The following CERS3 variants were observed in gnomAD, a reference collection of about 807,000 sequenced individuals.
The protein encoded by CERS3 is LAG1 homolog, ceramide synthase 3.
CERS3 carries 33 observed loss-of-function variants against 50.3 expected under a neutral mutation model. That is an observed-to-expected ratio of 0.66 (90% CI 0.50 to 0.88). The LOEUF is 0.88. Ranked by LOEUF, CERS3 falls within the 40% of genes least tolerant of loss-of-function variation. The probability of loss-of-function intolerance (pLI) is 0.00; values close to 1 mark genes in which losing one functional copy is unlikely to be tolerated. For missense variants in CERS3, 470 were observed against 460.3 expected (o/e 1.02, Z -0.19); for synonymous variants, 176 against 155.2 (o/e 1.13, Z -0.99).
chr15:100,487,836 T>C (rs976452366), intron 4 of CERS3, among the ~76,000 whole-genome samples: 6 of 152,246 alleles, frequency 3.9e-5, no homozygotes, highest in East Asian at 1.9e-4. Flanking sequence ...AATACCTTTA[T>C]TGAATGTAGT....
At chr15:100,410,136 T>A (rs1331578483) in intron 11 of CERS3, among the ~76,000 whole-genome samples, 3 of 152,224 alleles carry the variant, frequency 2.0e-5, no homozygotes, top group African/African-American at 7.2e-5. Flanking sequence ...TCACTCCACG[T>A]TGGAAGGGGA....
At chr15:100,478,431 T>C (rs2035201706) in intron 7 of CERS3, among the ~76,000 whole-genome samples, 1 of 152,010 alleles carries the variant, frequency 6.6e-6, no homozygotes, top group Non-Finnish European at 1.5e-5. Context: ...GCATGTAGTT[T>C]ATGACTCACA....
intron 2 of CERS3, chr15:100,503,576 A>C (rs141614729): frequency 5.0e-6 from 2 of 396,596 alleles, no homozygotes; most frequent in Non-Finnish European, 1.1e-5. Context: ...CTGTGAGCCC[A>C]TAGGGTGTCT....
At chr15:100,520,311 G>A (rs2036604772) in intron 2 of CERS3, among the ~76,000 whole-genome samples, 1 of 152,174 alleles carries the variant, frequency 6.6e-6, no homozygotes, top group Non-Finnish European at 1.5e-5. Context: ...GCCTCCATTT[G>A]TATTCTTGCC....
At chr15:100,479,379 G>A (rs1450366651) in intron 7 of CERS3, 49 bp downstream of exon 7, 1 of 1,362,532 alleles carries the variant, frequency 7.3e-7, no homozygotes, top group African/African-American at 1.5e-5. Flanking sequence ...GATAATTTGA[G>A]GGATCTTGGT....
chr15:100,440,835 C>T (rs149406988), intron 11 of CERS3, among the ~76,000 whole-genome samples: 189 of 152,358 alleles, frequency 1.2e-3, no homozygotes, highest in African/African-American at 4.2e-3. Context: ...CTTGGCACCA[C>T]ACTTCAATTT....
At chr15:100,462,123 CT>C (rs368694688) in intron 10 of CERS3, among the ~76,000 whole-genome samples, 194 of 152,276 alleles carry the variant, frequency 1.3e-3, no homozygotes, top group African/African-American at 4.3e-3. Flanking sequence ...TGGAATTTTC[CT>C]TTTCATAAAG....
chr15:100,421,957 G>A (rs1174849374), intron 11 of CERS3, among the ~76,000 whole-genome samples: 8 of 71,456 alleles, frequency 1.1e-4, no homozygotes, highest in African/African-American at 3.7e-4. Flanking sequence ...AGACTTAAAC[G>A]TTAGACCTAA....
chr15:100,513,559 A>G (rs1177709625), intron 2 of CERS3, among the ~76,000 whole-genome samples: 1 of 143,666 alleles, frequency 7.0e-6, no homozygotes, highest in Non-Finnish European at 1.5e-5. Flanking sequence ...TTTTTTTGAG[A>G]TAAGATCTTG....
intron 1 of CERS3, among the ~76,000 whole-genome samples, chr15:100,538,628 G>A (rs1254869028): frequency 1.3e-5 from 2 of 152,202 alleles, no homozygotes; most frequent in Admixed American, 6.5e-5. Context: ...GAGACTGCAC[G>A]AAGCAGCCAG....
chr15:100,508,177 C>CT (rs1156886650), intron 2 of CERS3, among the ~76,000 whole-genome samples: 1 of 5,172 alleles, frequency 1.9e-4, no homozygotes, highest in South Asian at 0.17. Context: ...GTCAGTTTCT[C>CT]CCCGTTTAGC....
At chr15:100,423,964 G>A (rs1282899132) in intron 11 of CERS3, among the ~76,000 whole-genome samples, 3 of 144,340 alleles carry the variant, frequency 2.1e-5, no homozygotes, top group Non-Finnish European at 3.0e-5. Flanking sequence ...TTTTTGAGGT[G>A]GAGTTTTGCT....
intron 2 of CERS3, among the ~76,000 whole-genome samples, chr15:100,510,882 G>C (rs1471120081): frequency 3.3e-5 from 5 of 152,198 alleles, no homozygotes; most frequent in African/African-American, 7.2e-5. Flanking sequence ...CAACAGGTGA[G>C]ACTGTGACTC....
chr15:100,450,416 C>CAAAAAAAA (rs34873483), intron 11 of CERS3, among the ~76,000 whole-genome samples: 3 of 63,426 alleles, frequency 4.7e-5, no homozygotes, highest in Non-Finnish European at 8.4e-5. Context: ...GACTCTGTCT[C>CAAAAAAAA]AAAAAAAAAA....
chr15:100,493,298 C>T (rs917555800), intron 3 of CERS3, among the ~76,000 whole-genome samples: 1 of 152,130 alleles, frequency 6.6e-6, no homozygotes, highest in Non-Finnish European at 1.5e-5. Context: ...CTTAATTTCT[C>T]TTTCATTTTG....
chr15:100,473,012 C>G lies in CERS3; in HGVS notation c.650G>C (p.Ser217Thr). 8.1e-6 allele frequency: 13 copies of G among 1,613,810 alleles called. No homozygotes were observed. The highest frequency in any genetic ancestry group is 1.1e-5 in the Non-Finnish European group (13 of 1,179,904). The change falls in exon 9 of 12, where the codon AGT becomes ACT. Residue 217 changes from serine (S) to threonine (T), a missense_variant. Ser to Thr is a moderately conservative substitution (Grantham distance 58, BLOSUM62 1). Transcript: ENST00000679737. Reference protein sequence around the residue: ...AHIIHHLAAISLMSFSWCANY... With the variant: ...AHIIHHLAAITLMSFSWCANY... ...AGCACACCAAGAGAAGCTCATCAGA[C>G]TAATAGCAGCCAGGTGGTGGATGAT...
At chr15:100,409,512 A>G (rs2031311927) in intron 11 of CERS3, among the ~76,000 whole-genome samples, 1 of 152,216 alleles carries the variant, frequency 6.6e-6, no homozygotes, top group Admixed American at 6.5e-5. Context: ...GATTTTTTCC[A>G]GTAATTAAAA....
At chr15:100,509,255 G>A (rs1445454372) in intron 2 of CERS3, among the ~76,000 whole-genome samples, 1 of 152,172 alleles carries the variant, frequency 6.6e-6, no homozygotes, top group Non-Finnish European at 1.5e-5. Context: ...AATAAAACCA[G>A]TTGGGCCACA....
intron 11 of CERS3, among the ~76,000 whole-genome samples, chr15:100,440,719 G>A (rs918157679): frequency 1.1e-4 from 17 of 152,324 alleles, no homozygotes; most frequent in African/African-American, 3.4e-4. Flanking sequence ...TCCTCAGACC[G>A]ACCAGCCCAA....
Sources: allele counts gnomAD v4.1 joint callset (sites outside exome capture counted in the v4.1 genomes callset), GRCh38; gene constraint gnomAD v4.1.1; transcripts MANE v1.5; gene names NCBI Gene and HGNC (gene_info 2026-07-23, HGNC 2026-07-21).